HPSE2: variants seen among roughly 807,000 people sequenced by gnomAD.
HPSE2 encodes the protein heparanase 2 (inactive), also known as inactive heparanase-2.
Under a neutral mutation model 60.5 loss-of-function variants are expected in HPSE2, and 38 were observed. The ratio of observed to expected loss-of-function variants is 0.63; its 90% CI spans 0.48 to 0.82. The LOEUF (loss-of-function observed/expected upper bound fraction) is 0.82. Ranked by LOEUF, HPSE2 falls within the 40% of genes least tolerant of loss-of-function variation. HPSE2 has a pLI of 0.00. For synonymous variants in HPSE2, 295 were observed against 293.2 expected, an observed-to-expected ratio of 1.01 and a Z score of -0.06; for missense variants, 713 against 740.4, an observed-to-expected ratio of 0.96 and a Z score of 0.43.
intron 3 of HPSE2, among the ~76,000 whole-genome samples, chr10:98,807,080 T>C (rs1951060096): frequency 6.6e-6 from 1 of 152,164 alleles, no homozygotes; most frequent in African/African-American, 2.4e-5. Context: ...GAGGTGGATG[T>C]TGCAGTGAGC....
At chr10:98,875,827 C>G (rs1952862449) in intron 3 of HPSE2, among the ~76,000 whole-genome samples, 1 of 151,954 alleles carries the variant, frequency 6.6e-6, no homozygotes, top group African/African-American at 2.4e-5. Flanking sequence ...CTCTCAAAAA[C>G]TTCACCAAGC....
At chr10:98,942,902 T>A (rs1328490871) in intron 3 of HPSE2, among the ~76,000 whole-genome samples, 1 of 151,602 alleles carries the variant, frequency 6.6e-6, no homozygotes, top group Non-Finnish European at 1.5e-5. Flanking sequence ...TATGCAGCCA[T>A]AAAAAATGAT....
chr10:99,110,463 G>T (rs1195981204), intron 3 of HPSE2, among the ~76,000 whole-genome samples: 1 of 152,120 alleles, frequency 6.6e-6, no homozygotes, highest in Non-Finnish European at 1.5e-5. Context: ...GAATGCACTG[G>T]AAAGGAGAAG....
the HPSE2 span, among the ~76,000 whole-genome samples, chr10:99,285,196 G>A: frequency 6.6e-6 from 1 of 151,706 alleles, no homozygotes; most frequent in African/African-American, 2.4e-5. Context: ...TTGGCAGGCT[G>A]AATGGGAGTA....
At chr10:99,246,695 C>T in the HPSE2 span, among the ~76,000 whole-genome samples, 8 of 150,874 alleles carry the variant, frequency 5.3e-5, no homozygotes, top group African/African-American at 2.0e-4. Flanking sequence ...TGCAGTGAGC[C>T]GAGATCACAC....
intron 3 of HPSE2, among the ~76,000 whole-genome samples, chr10:99,136,364 G>T (rs142169161): frequency 0.014 from 2,186 of 152,268 alleles, 63 homozygotes; most frequent in Admixed American, 0.069. Context: ...AACAGAAAAA[G>T]AGGGAATCCT....
chr10:99,064,284 T>C (rs1842542835), intron 3 of HPSE2, among the ~76,000 whole-genome samples: 1 of 152,178 alleles, frequency 6.6e-6, no homozygotes, highest in Non-Finnish European at 1.5e-5. Flanking sequence ...GTAACATTTG[T>C]GTGAGGGAGT....
At chr10:98,790,561 G>C (rs1420843795) in intron 3 of HPSE2, among the ~76,000 whole-genome samples, 1 of 152,170 alleles carries the variant, frequency 6.6e-6, no homozygotes, top group Non-Finnish European at 1.5e-5. Context: ...TTAAGTTTTG[G>C]TGATCCATTG....
chr10:99,082,025 C>T (rs959412508), intron 3 of HPSE2, among the ~76,000 whole-genome samples: 2 of 152,132 alleles, frequency 1.3e-5, no homozygotes, highest in African/African-American at 2.4e-5. Context: ...AATGTGTTTC[C>T]TTTTAAATTG....
At chr10:99,012,305 A>G (rs563454341) in intron 3 of HPSE2, among the ~76,000 whole-genome samples, 90 of 152,244 alleles carry the variant, frequency 5.9e-4, no homozygotes, top group African/African-American at 2.1e-3. Context: ...TCATTGTACA[A>G]TCCTGCCCAT....
intron 2 of HPSE2, among the ~76,000 whole-genome samples, chr10:99,217,068 A>C (rs998609107): frequency 6.6e-6 from 1 of 152,012 alleles, no homozygotes; most frequent in African/African-American, 2.4e-5. Context: ...AACTTTATAT[A>C]ATCAGCCTGT....
chr10:98,537,635 C>T (rs929648328), intron 9 of HPSE2, among the ~76,000 whole-genome samples: 5 of 152,184 alleles, frequency 3.3e-5, no homozygotes, highest in Non-Finnish European at 7.3e-5. Context: ...CTGTCACGCC[C>T]GCATAAGGGC....
At chr10:99,177,934 G>A (rs555902899) in intron 2 of HPSE2, among the ~76,000 whole-genome samples, 1 of 152,114 alleles carries the variant, frequency 6.6e-6, no homozygotes, top group Non-Finnish European at 1.5e-5. Context: ...TCAGACCACG[G>A]TGCAATCAAA....
rs556122130 is a variant in HPSE2, at chr10:99,161,666, A to T, written c.449-17267T>A. On this transcript the variant is annotated intron_variant, in intron 2 of 11. Transcript: ENST00000370552. ...TAAACTACATACTTGTAATGGGTGA[A>T]TTTTATGAAAATATGTAAATTATAG... Among the ~76,000 whole-genome samples, 5 of 152,288 alleles carry T rather than the reference A, an allele frequency of 3.3e-5. No homozygotes were observed. In the South Asian group the frequency reaches 6.2e-4, roughly 19 times the overall value.
At chr10:98,661,094 T>C (rs1947211439) in intron 6 of HPSE2, among the ~76,000 whole-genome samples, 2 of 151,870 alleles carry the variant, frequency 1.3e-5, no homozygotes, top group African/African-American at 2.4e-5. Context: ...CTGTTTGGCA[T>C]AGGATAACCT....
At chr10:99,153,296 G>A (rs955015172) in intron 2 of HPSE2, among the ~76,000 whole-genome samples, 131 of 152,290 alleles carry the variant, frequency 8.6e-4, no homozygotes, top group African/African-American at 3.1e-3. Flanking sequence ...ACCTCTGGGG[G>A]CAGGGCACAG....
intron 9 of HPSE2, among the ~76,000 whole-genome samples, chr10:98,517,732 A>T (rs1462396053): frequency 1.3e-5 from 2 of 152,212 alleles, no homozygotes; most frequent in African/African-American, 4.8e-5. Flanking sequence ...ATAGAAAAGC[A>T]TGGCGTTTGG....
At chr10:98,775,846 G>C (rs1272398607) in intron 3 of HPSE2, among the ~76,000 whole-genome samples, 2 of 152,080 alleles carry the variant, frequency 1.3e-5, no homozygotes, top group African/African-American at 4.8e-5. Context: ...AAATTCATCA[G>C]CTACCCCAAT....
At chr10:98,544,058 A>G (rs537741222) in intron 9 of HPSE2, among the ~76,000 whole-genome samples, 111 of 151,724 alleles carry the variant, frequency 7.3e-4, no homozygotes, top group African/African-American at 2.5e-3. Context: ...CACCTATTCC[A>G]AAATTGACCA....
Sources: gnomAD v4.1 joint callset for allele counts (sites outside exome capture counted in the v4.1 genomes callset) on GRCh38, gnomAD v4.1.1 for gene constraint, MANE v1.5 for transcripts, NCBI Gene and HGNC (gene_info 2026-07-23, HGNC 2026-07-21) for gene names.